The following ONECUT2 variants were observed in gnomAD, a reference collection of about 807,000 sequenced individuals.
ONECUT2 encodes the protein one cut domain family member 2.
A neutral mutation model predicts 27.9 loss-of-function variants in ONECUT2; 10 were observed. The observed-to-expected ratio is 0.36, with a 90% confidence interval of 0.22 to 0.61. ONECUT2 has a LOEUF of 0.61. Ranked by LOEUF, ONECUT2 falls within the 20% of genes least tolerant of loss-of-function variation. The pLI, the probability that ONECUT2 is intolerant of heterozygous loss-of-function variation, is 0.73. For synonymous variants in ONECUT2, 334 were observed against 315.1 expected (o/e 1.06, Z -0.64); for missense variants, 686 against 721.0 (o/e 0.95, Z 0.56).
intron 1 of ONECUT2, among the ~76,000 whole-genome samples, chr18:57,458,573 T>C (rs1357765424): frequency 1.3e-5 from 2 of 152,248 alleles, no homozygotes; most frequent in African/African-American, 4.8e-5. Flanking sequence ...ATTTATTGCA[T>C]AGTGTCCTAT....
At chr18:57,454,887 C>T (rs2050250306) in intron 1 of ONECUT2, among the ~76,000 whole-genome samples, 5 of 152,176 alleles carry the variant, frequency 3.3e-5, no homozygotes, top group Admixed American at 2.0e-4. Context: ...GACTGAATCC[C>T]TACAGGCTTA....
At position 57,476,660 on chromosome 18, in the gene ONECUT2, G is replaced by A. The variant is rs1028683567; in HGVS notation, c.1452G>A (p.Lys484=). 2.5e-6 allele frequency: 4 copies of A among 1,614,224 alleles called. No individual in the cohort carries two copies. In the South Asian group the frequency reaches 4.4e-5, roughly 18 times the overall value. Residue 484 remains lysine, a synonymous_variant, in exon 2 of 2, where the codon AAG becomes AAA. Coordinates refer to ENST00000491143, the MANE Select transcript of ONECUT2 (RefSeq NM_004852.3). Reference sequence around the variant, plus strand: ...ACGCCCGGCGCCGCAGCCTGGAGAAGTGGCAAGACGATCTGAGCACAGGGG... The same window carrying A: ...ACGCCCGGCGCCGCAGCCTGGAGAAATGGCAAGACGATCTGAGCACAGGGG... The part of the protein sequence containing the change: ...FMNARRRSLE[K]WQDDLSTGGS...
At chr18:57,468,404 G>C (rs1472123151) in intron 1 of ONECUT2, among the ~76,000 whole-genome samples, 1 of 152,210 alleles carries the variant, frequency 6.6e-6, no homozygotes, top group African/African-American at 2.4e-5. Flanking sequence ...GCAGGTTCAT[G>C]GTACTGGCTC....
intron 1 of ONECUT2, among the ~76,000 whole-genome samples, chr18:57,455,831 T>C (rs2050256265): frequency 1.3e-5 from 2 of 152,246 alleles, no homozygotes; most frequent in Admixed American, 1.3e-4. Context: ...AGTTCAGGGA[T>C]TTGAACATCA....
intron 1 of ONECUT2, among the ~76,000 whole-genome samples, chr18:57,449,012 G>C (rs548601755): frequency 6.6e-6 from 1 of 152,302 alleles, no homozygotes; most frequent in Admixed American, 6.5e-5. Flanking sequence ...AGTGAATTCT[G>C]TATTCACTTT....
intron 1 of ONECUT2, among the ~76,000 whole-genome samples, chr18:57,453,887 A>T (rs2050244563): frequency 6.6e-6 from 1 of 152,072 alleles, no homozygotes; most frequent in South Asian, 2.1e-4. Context: ...TTTCAACTCC[A>T]CCCACCCTGC....
Position 57,435,653 on chromosome 18 carries a change from C to A in ONECUT2, c.-64C>A. ...ACTCCCGCAGCCGAGCCCCGCCACGCGCGCCTTGCCCGCCCGCCGGCCGCC... is the reference window on the plus strand; with the variant it reads ...ACTCCCGCAGCCGAGCCCCGCCACGAGCGCCTTGCCCGCCCGCCGGCCGCC... On this transcript the variant is annotated 5_prime_UTR_variant, in exon 1 of 2. Coordinates refer to ENST00000491143, the MANE Select transcript of ONECUT2 (RefSeq NM_004852.3). 3.0e-6 allele frequency: 3 copies of A among 1,001,932 alleles called. No homozygotes were observed. Among genetic ancestry groups the A allele is most frequent in the Non-Finnish European group, 3.6e-6 (3 of 837,094 alleles). 62.1% of individuals were successfully genotyped at this position (1,001,932 alleles called of 1,614,324 possible). A position where few individuals can be genotyped will look rare whatever the true frequency, so the allele number is the denominator to read the frequency against.
intron 1 of ONECUT2, among the ~76,000 whole-genome samples, chr18:57,457,437 G>A (rs909445354): frequency 2.0e-5 from 3 of 152,150 alleles, no homozygotes; most frequent in Non-Finnish European, 4.4e-5. Flanking sequence ...TCTAGAAGAT[G>A]TTAAAGTGAT....
At chr18:57,446,537 C>T (rs1156734183) in intron 1 of ONECUT2, among the ~76,000 whole-genome samples, 1 of 152,144 alleles carries the variant, frequency 6.6e-6, no homozygotes, top group African/African-American at 2.4e-5. Flanking sequence ...TAGAGTGCCA[C>T]CTGCCGGGAG....
Position 57,460,388 on chromosome 18 carries a change from ACTTT to A in ONECUT2, c.1229-16044_1229-16041del, listed in dbSNP as rs753976227. Among the ~76,000 whole-genome samples, 9 of 152,154 alleles carry A rather than the reference ACTTT, an allele frequency of 5.9e-5. No homozygotes were observed. The South Asian group carries it at 1.4e-3, about 24-fold the overall frequency. The stretch of plus-strand genomic sequence containing the variant: ...CTCTTCTCACTATTTGAAATGCAAT[ACTTT>A]CTTTATAATATATTATATTCCCTTA... On this transcript the variant is annotated intron_variant, in intron 1 of 1. Transcript: ENST00000491143.
intron 1 of ONECUT2, among the ~76,000 whole-genome samples, chr18:57,455,786 C>A (rs530457591): frequency 6.6e-6 from 1 of 151,506 alleles, no homozygotes; most frequent in African/African-American, 2.4e-5. Flanking sequence ...AGGGGAGGGA[C>A]GTCTTAGGGA....
chr18:57,480,375 ATGGTTGCTCTTTTCCAGAC>A lies in ONECUT2; in HGVS notation c.*3656_*3674del, dbSNP rs1193391227. 1 of 152,152 alleles carries A rather than the reference ATGGTTGCTCTTTTCCAGAC, an allele frequency of 6.6e-6. No homozygotes were observed. The highest frequency in any genetic ancestry group is 1.5e-5 in the Non-Finnish European group (1 of 68,032). 9.4% of individuals were successfully genotyped at this position (152,152 alleles called of 1,614,324 possible). On this transcript the variant is annotated 3_prime_UTR_variant, in exon 2 of 2. Coordinates refer to ENST00000491143, the MANE Select transcript of ONECUT2 (RefSeq NM_004852.3). ...TCCTTGTGACATGTGTCCAGTGGAAATGGTTGCTCTTTTCCAGACTGGATTGAGGAATGGAGCCTGTTTG... is the reference window on the plus strand; with the variant it reads ...TCCTTGTGACATGTGTCCAGTGGAAATGGATTGAGGAATGGAGCCTGTTTG...
intron 1 of ONECUT2, among the ~76,000 whole-genome samples, chr18:57,441,510 C>G (rs1241173796): frequency 1.3e-5 from 2 of 152,240 alleles, no homozygotes; most frequent in East Asian, 3.9e-4. Context: ...CTCTGCACCC[C>G]CTCCCCCGAC....
Position 57,436,427 on chromosome 18 carries a change from C to A in ONECUT2, c.711C>A (p.Gly237=). The stretch of plus-strand genomic sequence containing the variant: ...CCACGCCGCTGGGCAACGGGCTAGG[C>A]GGCCTCCACAACGCGCAGCAGAGTC... ...LAATPLGNGL[G]GLHNAQQSLP... is the part of the protein sequence containing the mutation. Residue 237 remains glycine (G), a synonymous_variant, in exon 1 of 2, where the codon GGC becomes GGA. Transcript: ENST00000491143. This position sits in a 1 kb window ranked among gnomAD's most constrained non-coding sequence, Gnocchi z 5.9. 6.2e-7 allele frequency: 1 copy of A among 1,612,158 alleles called. No individual in the cohort carries two copies. Among genetic ancestry groups the A allele is most frequent in the Non-Finnish European group, 8.5e-7 (1 of 1,179,874 alleles).
rs2050387266 is a variant in ONECUT2, at chr18:57,477,021, A to C, written c.*298A>C. On this transcript the variant is annotated 3_prime_UTR_variant, in exon 2 of 2. Transcript: ENST00000491143. ...ACCCAAATGGGGCCTTCCTGGAGCG[A>C]GTTAATTCCAGTATGGTGTCAACCA... 1 of 393,872 alleles carries C rather than the reference A, an allele frequency of 2.5e-6. No individual in the cohort carries two copies. Among genetic ancestry groups the C allele is most frequent in the South Asian group, 3.2e-5 (1 of 31,270 alleles). The allele number at this position is 393,872 out of a possible 1,614,324, so 24.4% of individuals were successfully genotyped here. A position where few individuals can be genotyped will look rare whatever the true frequency, so the allele number is the denominator to read the frequency against.
chr18:57,437,615 T>G (rs1165773144), intron 1 of ONECUT2, among the ~76,000 whole-genome samples: 1 of 152,186 alleles, frequency 6.6e-6, no homozygotes, highest in African/African-American at 2.4e-5. Context: ...TGACCGGGCT[T>G]GAGGGGCTCG....
chr18:57,490,052 C>T lies in ONECUT2; in HGVS notation c.*13329C>T, dbSNP rs2050457422. On this transcript the variant is annotated 3_prime_UTR_variant, in exon 2 of 2. Transcript: ENST00000491143. ...GAAAAGATAATTAGGGATTGACCAG[C>T]ATTTCAATTAGTTCTCTTCTTCATC... The T allele has an allele frequency of 6.6e-6, 1 of 152,204 alleles. No individual in the cohort carries two copies. Among genetic ancestry groups the T allele is most frequent in the South Asian group, 2.1e-4 (1 of 4,830 alleles). The allele number at this position is 152,204 out of a possible 1,614,324, so 9.4% of individuals were successfully genotyped here. A position where few individuals can be genotyped will look rare whatever the true frequency, so the allele number is the denominator to read the frequency against.
At chr18:57,475,164 C>CT (rs2050375293) in intron 1 of ONECUT2, among the ~76,000 whole-genome samples, 1 of 148,878 alleles carries the variant, frequency 6.7e-6, no homozygotes, top group South Asian at 2.1e-4. Context: ...TCAAGCGATT[C>CT]TCCTGCCTCA....
At chr18:57,444,771 C>T (rs146220391) in intron 1 of ONECUT2, among the ~76,000 whole-genome samples, 7 of 152,308 alleles carry the variant, frequency 4.6e-5, no homozygotes, top group African/African-American at 9.6e-5. Context: ...TAAAGACCCT[C>T]GTTCAATAGA....
Sources: gnomAD v4.1 joint callset for allele counts (sites outside exome capture counted in the v4.1 genomes callset) on GRCh38, gnomAD v4.1.1 for gene constraint, Gnocchi (gnomAD v3.1) non-coding constraint, MANE v1.5 for transcripts, NCBI Gene and HGNC (gene_info 2026-07-23, HGNC 2026-07-21) for gene names.